Variants in IGSF10 observed in about 807,000 individuals in gnomAD.
IGSF10 encodes immunoglobulin superfamily member 10.
IGSF10 carries 126 observed loss-of-function variants against 128.2 expected under a neutral mutation model. The ratio of observed to expected loss-of-function variants is 0.98; its 90% CI spans 0.85 to 1.14. The LOEUF (loss-of-function observed/expected upper bound fraction) is 1.14, where lower values mean the gene tolerates loss of function less well. Ranked by LOEUF, IGSF10 falls within the 50% of genes most tolerant of loss-of-function variation. The pLI, the probability that IGSF10 is intolerant of heterozygous loss-of-function variation, is 0.00. For missense variants in IGSF10, 3,295 were observed against 3,149.8 expected, an observed-to-expected ratio of 1.05 and a Z score of -1.10; for synonymous variants, 1,185 against 1,146.2, an observed-to-expected ratio of 1.03 and a Z score of -0.68.
rs926860234 is a variant in IGSF10, at chr3:151,461,054, G to C, written c.-197C>G. On this transcript the variant is annotated 5_prime_UTR_variant, in exon 1 of 8. Coordinates refer to ENST00000282466, the MANE Select transcript of IGSF10 (RefSeq NM_178822.5). ...GGAGCTGGTCCGGAGCTCTGGGAGG[G>C]AAGGAAGGAAGGCGGAGCGAGGGCG... is the stretch of plus-strand genomic sequence containing the variant. 4.1e-6 allele frequency: 4 copies of C among 984,608 alleles called. No homozygotes were observed. Among genetic ancestry groups the C allele is most frequent in the Admixed American group, 6.1e-5 (1 of 16,264 alleles). The allele number at this position is 984,608 out of a possible 1,614,324, so 61.0% of individuals were successfully genotyped here. A position where few individuals can be genotyped will look rare whatever the true frequency, so the allele number is the denominator to read the frequency against.
upstream of IGSF10, chr3:151,461,126 C>T: frequency 1.0e-6 from 1 of 985,366 alleles, no homozygotes; most frequent in Non-Finnish European, 1.2e-6. Flanking sequence ...CGGGGCTCAG[C>T]AGCACAAGGA....
the IGSF10 span, among the ~76,000 whole-genome samples, chr3:151,614,252 AG>A: frequency 6.6e-6 from 1 of 152,208 alleles, no homozygotes; most frequent in Non-Finnish European, 1.5e-5. Context: ...TCACTGTGGA[AG>A]TCAGTGTGGC....
chr3:151,545,405 T>C, the IGSF10 span, among the ~76,000 whole-genome samples: 1 of 152,240 alleles, frequency 6.6e-6, no homozygotes, highest in Non-Finnish European at 1.5e-5. Flanking sequence ...AGTTTCACAG[T>C]GAAGAATTCT....
chr3:151,500,196 A>C, the IGSF10 span, among the ~76,000 whole-genome samples: 1 of 152,146 alleles, frequency 6.6e-6, no homozygotes, highest in Non-Finnish European at 1.5e-5. Flanking sequence ...TAAAAAATGT[A>C]ACCTTATTTT....
downstream of IGSF10, chr3:151,434,924 G>A (rs1342984926): frequency 6.6e-6 from 1 of 152,150 alleles, no homozygotes; most frequent in Non-Finnish European, 1.5e-5. Flanking sequence ...AGGAAGTTAT[G>A]CTACGACTCT....
chr3:151,500,466 C>T, the IGSF10 span, among the ~76,000 whole-genome samples: 1 of 152,088 alleles, frequency 6.6e-6, no homozygotes, highest in East Asian at 1.9e-4. Context: ...AATAAGAAAG[C>T]TCAGATACAT....
chr3:151,522,933 C>A, the IGSF10 span, among the ~76,000 whole-genome samples: 1 of 152,094 alleles, frequency 6.6e-6, no homozygotes, highest in Non-Finnish European at 1.5e-5. Flanking sequence ...TCTAGAAAAC[C>A]TCATAGTCTC....
the IGSF10 span, among the ~76,000 whole-genome samples, chr3:151,590,571 T>C: frequency 3.3e-5 from 5 of 152,044 alleles, no homozygotes; most frequent in Non-Finnish European, 7.4e-5. Context: ...AAAGATGACA[T>C]GGAGTAAGAT....
chr3:151,455,548 T>C (rs1260679336), intron 4 of IGSF10, among the ~76,000 whole-genome samples: 1 of 152,224 alleles, frequency 6.6e-6, no homozygotes, highest in Non-Finnish European at 1.5e-5. Flanking sequence ...TTCTAAACAT[T>C]TTATATAAAT....
At chr3:151,434,741 T>C (rs1719907056), downstream of IGSF10, 1 of 152,256 alleles carries the variant, frequency 6.6e-6, no homozygotes. Flanking sequence ...CAGTTCAGTT[T>C]GAACCATATA....
rs577860052 is a variant in IGSF10 at position 151,443,655 on chromosome 3, T to C, written c.5292A>G (p.Glu1764=). 51 of 1,614,084 alleles carry C rather than the reference T, an allele frequency of 3.2e-5. No homozygotes were observed. The highest frequency in any genetic ancestry group is 1.6e-4 in the Middle Eastern group (1 of 6,084). The change falls in exon 7 of 8, where the codon GAA becomes GAG. Residue 1764 remains glutamate, a synonymous_variant. Coordinates refer to ENST00000282466, the MANE Select transcript of IGSF10 (RefSeq NM_178822.5). ...EITVHSGSTV[E]LKCRAEGRPS... ...GCCTACCTTCTGCTCTGCACTTCAG[T>C]TCCACAGTGCTTCCGGAATGAACTG...
the IGSF10 span, among the ~76,000 whole-genome samples, chr3:151,614,415 C>T: frequency 2.0e-4 from 31 of 152,276 alleles, no homozygotes; most frequent in Middle Eastern, 6.8e-3. Flanking sequence ...AGACTTGGAA[C>T]CAACCTAAAT....
At chr3:151,525,002 C>CTTTTTT in the IGSF10 span, among the ~76,000 whole-genome samples, 2 of 49,738 alleles carry the variant, frequency 4.0e-5, no homozygotes, top group South Asian at 1.2e-3. Flanking sequence ...TGCATTACAC[C>CTTTTTT]TTTTTTTTTT....
the IGSF10 span, among the ~76,000 whole-genome samples, chr3:151,488,983 T>C: frequency 1.3e-5 from 2 of 152,130 alleles, no homozygotes; most frequent in Non-Finnish European, 2.9e-5. Context: ...TGGGATCTAA[T>C]TAAACTAAAG....
At chr3:151,576,971 C>T in the IGSF10 span, among the ~76,000 whole-genome samples, 1 of 152,156 alleles carries the variant, frequency 6.6e-6, no homozygotes, top group Non-Finnish European at 1.5e-5. Flanking sequence ...TCTTAGTAAA[C>T]TTTCAATTTA....
the IGSF10 span, among the ~76,000 whole-genome samples, chr3:151,578,044 C>A: frequency 6.6e-6 from 1 of 152,118 alleles, no homozygotes; most frequent in East Asian, 1.9e-4. Flanking sequence ...GTTTGTTTCA[C>A]AGTTTTTGTA....
chr3:151,452,646 G>A lies in IGSF10; in HGVS notation c.715+738C>T, dbSNP rs11720152. Among the ~76,000 whole-genome samples, 1,131 of 152,110 alleles carry A rather than the reference G, an allele frequency of 7.4e-3. 6 individuals are homozygous for A. Among genetic ancestry groups the A allele is most frequent in the Non-Finnish European group, 0.011 (727 of 68,002 alleles). On this transcript the variant is annotated intron_variant, in intron 5 of 7. Transcript: ENST00000282466. ...AGATGTATAAATGCATATATGATGT[G>A]TTTTTATACATATATGTAAGTTTGG...
chr3:151,516,723 C>A, the IGSF10 span, among the ~76,000 whole-genome samples: 1 of 151,904 alleles, frequency 6.6e-6, no homozygotes, highest in Non-Finnish European at 1.5e-5. Context: ...GAGAACATTG[C>A]CTGGAACATT....
At chr3:151,497,961 T>C in the IGSF10 span, among the ~76,000 whole-genome samples, 2 of 152,236 alleles carry the variant, frequency 1.3e-5, no homozygotes, top group African/African-American at 4.8e-5. Flanking sequence ...AGTTCACTCA[T>C]GATTTGGCTC....
Sources: gnomAD v4.1 joint callset for allele counts (sites outside exome capture counted in the v4.1 genomes callset) on GRCh38, gnomAD v4.1.1 for gene constraint, MANE v1.5 for transcripts, NCBI Gene and HGNC (gene_info 2026-07-23, HGNC 2026-07-21) for gene names.